The following NXPH2 variants were observed in gnomAD, a reference collection of about 807,000 sequenced individuals.
NXPH2 encodes neurexophilin 2.
Under a neutral mutation model 19.8 loss-of-function variants are expected in NXPH2, and 5 were observed. That is an observed-to-expected ratio of 0.25 (90% CI 0.13 to 0.53). The LOEUF (loss-of-function observed/expected upper bound fraction) is 0.53, where lower values mean the gene tolerates loss of function less well. NXPH2 is among the 20% of genes least tolerant of loss of function. The pLI is 0.96. For missense variants in NXPH2, 289 were observed against 322.8 expected (o/e 0.90, Z 0.80); for synonymous variants, 154 against 127.4 (o/e 1.21, Z -1.41).
At chr2:138,713,830 T>C (rs535697478) in intron 1 of NXPH2, among the ~76,000 whole-genome samples, 1 of 152,268 alleles carries the variant, frequency 6.6e-6, no homozygotes, top group African/African-American at 2.4e-5. Flanking sequence ...TTATCAAACC[T>C]TTCTATTTTC....
intron 1 of NXPH2, among the ~76,000 whole-genome samples, chr2:138,704,705 A>G (rs1229082689): frequency 1.3e-5 from 2 of 152,164 alleles, no homozygotes; most frequent in Non-Finnish European, 2.9e-5. Flanking sequence ...GCAAGTCTGC[A>G]GTGCAGTGGC....
intron 1 of NXPH2, among the ~76,000 whole-genome samples, chr2:138,745,767 A>G (rs16841109): frequency 0.15 from 22,736 of 151,746 alleles, 1,903 homozygotes; most frequent in East Asian, 0.35. Context: ...CTATCCAACA[A>G]TTTCAGGACA....
chr2:138,709,890 C>T (rs1681072479), intron 1 of NXPH2, among the ~76,000 whole-genome samples: 1 of 152,094 alleles, frequency 6.6e-6, no homozygotes, highest in Non-Finnish European at 1.5e-5. Flanking sequence ...CTGGATTTAC[C>T]ACAATTTATT....
chr2:138,705,171 T>C (rs1301190759), intron 1 of NXPH2, among the ~76,000 whole-genome samples: 1 of 151,986 alleles, frequency 6.6e-6, no homozygotes, highest in Non-Finnish European at 1.5e-5. Flanking sequence ...GATACGTTGC[T>C]CAGGCTGGTC....
chr2:138,711,373 T>C (rs1681103803), intron 1 of NXPH2, among the ~76,000 whole-genome samples: 1 of 152,038 alleles, frequency 6.6e-6, no homozygotes, highest in Non-Finnish European at 1.5e-5. Context: ...TCTCCTGACC[T>C]CAAGCAATCC....
chr2:138,724,570 AT>A (rs1681329341), intron 1 of NXPH2, among the ~76,000 whole-genome samples: 1 of 152,032 alleles, frequency 6.6e-6, no homozygotes, highest in African/African-American at 2.4e-5. Flanking sequence ...CATCCTAACC[AT>A]TTTTCCCCTG....
At chr2:138,749,625 A>G (rs115585151) in intron 1 of NXPH2, among the ~76,000 whole-genome samples, 2,910 of 152,268 alleles carry the variant, frequency 0.019, 51 homozygotes, top group Middle Eastern at 0.051. Context: ...CAGAATTATT[A>G]GTGTAAAAAT....
intron 1 of NXPH2, among the ~76,000 whole-genome samples, chr2:138,723,287 A>C (rs1203107938): frequency 6.6e-6 from 1 of 152,162 alleles, no homozygotes; most frequent in Non-Finnish European, 1.5e-5. Flanking sequence ...TAGTTCCAGG[A>C]GGGGGAAATT....
intron 1 of NXPH2, among the ~76,000 whole-genome samples, chr2:138,718,542 A>G (rs1355146008): frequency 6.6e-6 from 1 of 152,162 alleles, no homozygotes; most frequent in Non-Finnish European, 1.5e-5. Context: ...ACATTACTCA[A>G]AAAGGCTGTC....
At chr2:138,689,963 G>A (rs899691876) in intron 1 of NXPH2, among the ~76,000 whole-genome samples, 1 of 152,212 alleles carries the variant, frequency 6.6e-6, no homozygotes, top group African/African-American at 2.4e-5. Context: ...GGGGGTGGCA[G>A]AGGGAGGAAG....
chr2:138,711,082 C>A (rs1573962645), intron 1 of NXPH2, among the ~76,000 whole-genome samples: 2 of 151,334 alleles, frequency 1.3e-5, no homozygotes, highest in South Asian at 2.1e-4. Flanking sequence ...AAAATCTCAC[C>A]CAGAGGAGGA....
intron 1 of NXPH2, among the ~76,000 whole-genome samples, chr2:138,747,816 A>G (rs1023083419): frequency 6.6e-6 from 1 of 152,174 alleles, no homozygotes; most frequent in African/African-American, 2.4e-5. Flanking sequence ...CCATTGAGGG[A>G]TATCAACCAT....
At chr2:138,762,551 T>C (rs1204936704) in intron 1 of NXPH2, among the ~76,000 whole-genome samples, 2 of 152,194 alleles carry the variant, frequency 1.3e-5, no homozygotes, top group African/African-American at 4.8e-5. Context: ...GCCTTCACCA[T>C]ATCAATTCTG....
intron 1 of NXPH2, among the ~76,000 whole-genome samples, chr2:138,691,232 C>G (rs1680740811): frequency 6.6e-6 from 1 of 152,058 alleles, no homozygotes; most frequent in South Asian, 2.1e-4. Flanking sequence ...GATTCTATTC[C>G]AACTGCAAAA....
chr2:138,700,242 C>T (rs536682988), intron 1 of NXPH2, among the ~76,000 whole-genome samples: 1 of 152,318 alleles, frequency 6.6e-6, no homozygotes, highest in Non-Finnish European at 1.5e-5. Flanking sequence ...CCATTTTTAA[C>T]ATTATGTACA....
At chr2:138,727,171 T>A (rs1681372654) in intron 1 of NXPH2, among the ~76,000 whole-genome samples, 1 of 152,214 alleles carries the variant, frequency 6.6e-6, no homozygotes, top group African/African-American at 2.4e-5. Flanking sequence ...AGTTTATTTA[T>A]CCACTCACCC....
chr2:138,731,261 A>G (rs1351350527), intron 1 of NXPH2, among the ~76,000 whole-genome samples: 1 of 152,164 alleles, frequency 6.6e-6, no homozygotes, highest in Non-Finnish European at 1.5e-5. Context: ...AATGACTATG[A>G]GTTCAGTATT....
intron 1 of NXPH2, among the ~76,000 whole-genome samples, chr2:138,700,973 G>A (rs1024411486): frequency 2.0e-5 from 3 of 151,972 alleles, no homozygotes; most frequent in South Asian, 2.1e-4. Context: ...TGTAGAGAAC[G>A]GCGTTTTAAG....
chr2:138,704,177 C>T (rs1305514596), intron 1 of NXPH2, among the ~76,000 whole-genome samples: 2 of 152,094 alleles, frequency 1.3e-5, no homozygotes, highest in African/African-American at 4.8e-5. Context: ...TGGGAGCACC[C>T]GAACTATATG....
Sources: allele counts gnomAD v4.1 joint callset (sites outside exome capture counted in the v4.1 genomes callset), GRCh38; gene constraint gnomAD v4.1.1; transcripts MANE v1.5; gene names NCBI Gene and HGNC (gene_info 2026-07-23, HGNC 2026-07-21).